Variants in NAV3 observed in about 807,000 individuals in gnomAD.
NAV3 encodes the protein pore membrane and/or filament interacting like protein 1.
NAV3 carries 87 observed loss-of-function variants against 244.7 expected under a neutral mutation model. The observed-to-expected ratio is 0.36, with a 90% confidence interval of 0.30 to 0.42. The LOEUF (loss-of-function observed/expected upper bound fraction) is 0.42, where lower values mean the gene tolerates loss of function less well. NAV3 is among the 20% of genes least tolerant of loss of function. The pLI, the probability that NAV3 is intolerant of heterozygous loss-of-function variation, is 1.00. For missense variants in NAV3, 2,663 were observed against 2,893.3 expected (o/e 0.92, Z 1.83); for synonymous variants, 1,126 against 1,042.2 (o/e 1.08, Z -1.55).
rs761352380 is a variant in NAV3, at chr12:78,119,894, T to C, written c.3698T>C (p.Leu1233Pro). Residue 1233 changes from leucine (L) to proline (P), a missense_variant, in exon 15 of 40, where the codon CTC becomes CCC. Coordinates refer to ENST00000397909, the MANE Select transcript of NAV3 (RefSeq NM_001024383.2). The stretch of plus-strand genomic sequence containing the variant: ...GCCAGCGCCTGTGGTGCACAAGGTC[T>C]CAGGCAGCCAGGATCCAAGTATCCA... ...TSASACGAQG[L>P]RQPGSKYPDI... The C allele has an allele frequency of 5.6e-6, 9 of 1,614,146 alleles. No individual in the cohort carries two copies. Among genetic ancestry groups the C allele is most frequent in the African/African-American group, 1.3e-5 (1 of 75,030 alleles).
intron 12 of NAV3, among the ~76,000 whole-genome samples, chr12:78,107,229 T>A (rs1190334242): frequency 1.3e-5 from 2 of 152,042 alleles, no homozygotes; most frequent in Non-Finnish European, 2.9e-5. Flanking sequence ...AATAATCAAA[T>A]CCTTCCTGAC....
At chr12:78,058,894 T>C (rs1883901063) in intron 11 of NAV3, 102 bp from the exon 12 acceptor site, 1 of 921,318 alleles carries the variant, frequency 1.1e-6, no homozygotes, top group African/African-American at 1.7e-5. Context: ...AGAATATATT[T>C]GAGTAATTAT....
intron 2 of NAV3, among the ~76,000 whole-genome samples, chr12:77,651,977 G>A (rs1872842101): frequency 6.6e-6 from 1 of 152,136 alleles, no homozygotes; most frequent in African/African-American, 2.4e-5. Flanking sequence ...AGCTTTCAAA[G>A]TAATAGTGGT....
In NAV3 at chr12:77,601,096, C is replaced by T. The variant is rs1870409015; in HGVS notation, c.72+28830C>T. ...AATGCTTATTTAGTGCTTAGTATGG[C>T]AGTGCTTGATTTAAGTGCTTTATAT... On this transcript the variant is annotated intron_variant, in intron 2 of 8. Transcript: ENST00000550042. Among the ~76,000 whole-genome samples, 7 of 152,018 alleles carry T rather than the reference C, an allele frequency of 4.6e-5. No homozygotes were observed. The South Asian group carries it at 1.5e-3, about 32-fold the overall frequency.
chr12:78,177,393 T>G, intron 27 of NAV3, 80 bp downstream of exon 27: 1 of 1,453,170 alleles, frequency 6.9e-7, no homozygotes, highest in Non-Finnish European at 9.3e-7. Flanking sequence ...GTTCTAACCA[T>G]ATCTGTACCA....
chr12:77,587,267 A>T (rs1417667239), intron 2 of NAV3, among the ~76,000 whole-genome samples: 1 of 152,196 alleles, frequency 6.6e-6, no homozygotes, highest in African/African-American at 2.4e-5. Context: ...CAACTTTTCA[A>T]ATACAATAAG....
chr12:78,138,103 G>T (rs371665673), intron 19 of NAV3, among the ~76,000 whole-genome samples: 114 of 152,074 alleles, frequency 7.5e-4, no homozygotes, highest in African/African-American at 2.7e-3. Flanking sequence ...ATATTATAAA[G>T]CATGTCAGCT....
chr12:77,741,164 AAAG>A lies in NAV3; in HGVS notation c.72+168901_72+168903del, dbSNP rs1441571817. On this transcript the variant is annotated intron_variant, in intron 2 of 8. Transcript: ENST00000550042. The stretch of plus-strand genomic sequence containing the variant: ...AAAAAAAGACAAAAAAAAAAAAAAA[AAAG>A]AAAAGAAAGAAAAAGAAAAAGAAAA... 9.4e-3 allele frequency among the ~76,000 whole-genome samples: 1,379 copies of A among 146,204 alleles called. 6 individuals carry two copies. The highest frequency in any genetic ancestry group is 0.016 in the Non-Finnish European group (1,054 of 65,806).
intron 9 of NAV3, among the ~76,000 whole-genome samples, chr12:78,049,397 T>C (rs1882383184): frequency 6.6e-6 from 1 of 152,166 alleles, no homozygotes; most frequent in Admixed American, 6.5e-5. Context: ...AAAAGCATAG[T>C]ATCTGGGCTG....
chr12:77,815,155 G>T (rs1872480170), intron 2 of NAV3, among the ~76,000 whole-genome samples: 1 of 152,114 alleles, frequency 6.6e-6, no homozygotes, highest in African/African-American at 2.4e-5. Flanking sequence ...AAATTTTTAG[G>T]CTGAATAAAT....
intron 2 of NAV3, among the ~76,000 whole-genome samples, chr12:77,663,184 T>G (rs116916631): frequency 0.025 from 3,786 of 152,302 alleles, 61 homozygotes; most frequent in Middle Eastern, 0.082. Flanking sequence ...TATTTTTTCT[T>G]AAATAATTTT....
intron 2 of NAV3, among the ~76,000 whole-genome samples, chr12:77,677,819 A>G (rs1874275624): frequency 6.6e-6 from 1 of 152,218 alleles, no homozygotes. Flanking sequence ...TAACAAATAC[A>G]TTGCGCTGTT....
intron 35 of NAV3, 144 bp from the exon 36 acceptor site, chr12:78,198,460 AT>A: frequency 2.1e-6 from 1 of 476,622 alleles, no homozygotes; most frequent in Non-Finnish European, 3.8e-6. Context: ...GATCTTTGTC[AT>A]TTTCCATTAC....
intron 22 of NAV3, among the ~76,000 whole-genome samples, chr12:78,150,542 T>C (rs1174580605): frequency 1.3e-5 from 2 of 151,730 alleles, no homozygotes; most frequent in South Asian, 4.1e-4. Context: ...TTCTTACTCA[T>C]GATTATTGGT....
chr12:77,922,468 A>C (rs1437935991), intron 1 of NAV3, among the ~76,000 whole-genome samples: 1 of 152,028 alleles, frequency 6.6e-6, no homozygotes, highest in African/African-American at 2.4e-5. Flanking sequence ...GTGGGTGTTT[A>C]TTAAGACTTT....
chr12:78,058,738 G>T (rs957704757), intron 11 of NAV3, among the ~76,000 whole-genome samples: 3 of 151,976 alleles, frequency 2.0e-5, no homozygotes, highest in Admixed American at 2.0e-4. Flanking sequence ...TAGGTTCTAT[G>T]GTAGGCTAGT....
chr12:78,182,731 T>C (rs1958552760), intron 30 of NAV3, among the ~76,000 whole-genome samples: 1 of 151,974 alleles, frequency 6.6e-6, no homozygotes, highest in Non-Finnish European at 1.5e-5. Flanking sequence ...AATACCTTTT[T>C]TTACCCATTC....
intron 8 of NAV3, among the ~76,000 whole-genome samples, chr12:78,018,959 T>TA (rs1876697232): frequency 6.6e-6 from 1 of 152,078 alleles, no homozygotes; most frequent in African/African-American, 2.4e-5. Flanking sequence ...GGGGAGGGAC[T>TA]GTCAGTAGAT....
At chr12:77,892,396 G>A (rs1010749085) in intron 1 of NAV3, among the ~76,000 whole-genome samples, 1 of 151,880 alleles carries the variant, frequency 6.6e-6, no homozygotes, top group African/African-American at 2.4e-5. Flanking sequence ...GAGGGGGCAA[G>A]CCCTAAAATT....
Sources: gnomAD v4.1 joint callset for allele counts (sites outside exome capture counted in the v4.1 genomes callset) on GRCh38, gnomAD v4.1.1 for gene constraint, MANE v1.5 for transcripts, NCBI Gene and HGNC (gene_info 2026-07-23, HGNC 2026-07-21) for gene names.